The following DYNC2H1 variants were observed in gnomAD, a reference collection of about 807,000 sequenced individuals.
DYNC2H1 encodes the protein cytoplasmic dynein 2 heavy chain 1.
DYNC2H1 carries 410 observed loss-of-function variants against 570.0 expected under a neutral mutation model. The observed-to-expected ratio is 0.72, with a 90% CI of 0.66 to 0.78. The LOEUF is 0.78. Among genes scored for constraint, DYNC2H1 ranks in the 30% least tolerant of loss-of-function variants. The probability of loss-of-function intolerance (pLI) is 0.00; values close to 1 mark genes in which losing one functional copy is unlikely to be tolerated. For synonymous variants in DYNC2H1, 1,688 were observed against 1,677.6 expected, an observed-to-expected ratio of 1.01 and a Z score of -0.15; for missense variants, 4,865 against 5,046.4, an observed-to-expected ratio of 0.96 and a Z score of 1.09.
At chr11:103,171,136 G>A (rs959939256) in intron 34 of DYNC2H1, 68 bp downstream of exon 34, 30 of 1,257,164 alleles carry the variant, frequency 2.4e-5, no homozygotes, top group Non-Finnish European at 2.9e-5. Flanking sequence ...TCATACTTAA[G>A]CAATATTCTC....
chr11:103,233,754 A>G (rs1325957470), intron 60 of DYNC2H1, among the ~76,000 whole-genome samples: 1 of 151,498 alleles, frequency 6.6e-6, no homozygotes, highest in Non-Finnish European at 1.5e-5. Flanking sequence ...TGAATGCCGT[A>G]TTGGCAAATT....
intron 20 of DYNC2H1, among the ~76,000 whole-genome samples, chr11:103,150,873 G>A (rs939272530): frequency 6.6e-6 from 1 of 152,106 alleles, no homozygotes; most frequent in Admixed American, 6.5e-5. Flanking sequence ...TATTATAAGA[G>A]GAAATATGTG....
At chr11:103,300,271 C>T (rs1400987093) in intron 75 of DYNC2H1, among the ~76,000 whole-genome samples, 4 of 151,828 alleles carry the variant, frequency 2.6e-5, no homozygotes, top group South Asian at 4.1e-4. Context: ...TTCAGTTATT[C>T]GTTTGTCTTA....
intron 24 of DYNC2H1, 66 bp downstream of exon 24, chr11:103,154,875 T>G (rs1305520844): frequency 7.3e-5 from 83 of 1,134,054 alleles, no homozygotes; most frequent in Non-Finnish European, 7.2e-6. Flanking sequence ...ATGTAGTGAC[T>G]GAACTATATA....
intron 83 of DYNC2H1, among the ~76,000 whole-genome samples, chr11:103,362,021 A>C (rs1055511989): frequency 6.6e-6 from 1 of 151,588 alleles, no homozygotes; most frequent in African/African-American, 2.4e-5. Context: ...TAGAGATAGG[A>C]GATGAGGAGC....
intron 79 of DYNC2H1, 74 bp downstream of exon 79, chr11:103,312,107 A>T: frequency 6.8e-7 from 1 of 1,477,832 alleles, no homozygotes. Flanking sequence ...GTGGCCAGGC[A>T]TGGTGGCTCA....
chr11:103,125,299 T>C lies in DYNC2H1; in HGVS notation c.1857+4T>C. 1 of 1,584,904 alleles carries C rather than the reference T, an allele frequency of 6.3e-7. No individual in the cohort carries two copies. ...GCAAGCAATTATTCTTAAACAAGTATGAAATTACATTTTTTGAATACCTGC... is the reference window on the plus strand; with the variant it reads ...GCAAGCAATTATTCTTAAACAAGTACGAAATTACATTTTTTGAATACCTGC... On this transcript the variant is annotated splice_donor_region_variant and intron_variant, in intron 12 of 88. Coordinates refer to ENST00000375735, the MANE Select transcript of DYNC2H1 (RefSeq NM_001377.3).
At chr11:103,456,437 T>A in intron 87 of DYNC2H1, 81 bp downstream of exon 87, 1 of 1,127,594 alleles carries the variant, frequency 8.9e-7, no homozygotes, top group Non-Finnish European at 1.3e-6. Context: ...GATCTCAAAG[T>A]GACCTATCTT....
chr11:103,152,098 G>A, intron 20 of DYNC2H1, 38 bp from the exon 21 acceptor site: 2 of 1,463,218 alleles, frequency 1.4e-6, no homozygotes, highest in Non-Finnish European at 1.8e-6. Context: ...GATAAAATAG[G>A]TTGTTATTCA....
At chr11:103,357,532 G>A (rs1325182559) in intron 82 of DYNC2H1, among the ~76,000 whole-genome samples, 1 of 152,046 alleles carries the variant, frequency 6.6e-6, no homozygotes, top group Non-Finnish European at 1.5e-5. Flanking sequence ...ATATTTTTAA[G>A]GAAACTATCT....
chr11:103,153,121 A>G (rs992669754), intron 21 of DYNC2H1, among the ~76,000 whole-genome samples, 182 bp from the exon 22 acceptor site: 1 of 152,178 alleles, frequency 6.6e-6, no homozygotes, highest in Non-Finnish European at 1.5e-5. Context: ...GGTCTAATTT[A>G]TATGTTTGAA....
intron 82 of DYNC2H1, among the ~76,000 whole-genome samples, chr11:103,350,969 T>G (rs1346960903): frequency 6.6e-6 from 1 of 152,196 alleles, no homozygotes; most frequent in Non-Finnish European, 1.5e-5. Context: ...GGACATTTAG[T>G]CCATAAATTA....
At position 103,223,087 on chromosome 11, in the gene DYNC2H1, G is replaced by GT. The variant is rs765090501; in HGVS notation, c.9353+2dup. 5 of 1,601,918 alleles carry GT rather than the reference G, an allele frequency of 3.1e-6. No individual in the cohort carries two copies. The highest frequency in any genetic ancestry group is 2.6e-6 in the Non-Finnish European group (3 of 1,173,692). ...AAACTGAACAGGCAGGATTAGAATC[G>GT]TAAGTGAAATATAAAATATAAACAA... On this transcript the variant is annotated splice_donor_variant, in intron 59 of 88. Coordinates refer to ENST00000375735, the MANE Select transcript of DYNC2H1 (RefSeq NM_001377.3). LOFTEE classifies it high-confidence loss of function.
intron 17 of DYNC2H1, among the ~76,000 whole-genome samples, chr11:103,142,299 G>A (rs569884899): frequency 1.1e-4 from 16 of 152,306 alleles, no homozygotes; most frequent in South Asian, 2.1e-4. Context: ...TGTCTTCTGC[G>A]TCGCCCACGC....
intron 79 of DYNC2H1, among the ~76,000 whole-genome samples, chr11:103,313,295 C>G (rs892149779): frequency 6.6e-6 from 1 of 152,174 alleles, no homozygotes; most frequent in East Asian, 1.9e-4. Context: ...CTCTTTCTCA[C>G]CAAAGGCTCT....
Position 103,181,705 on chromosome 11 carries a change from T to C in DYNC2H1, c.6348-52T>C. The C allele has an allele frequency of 6.8e-7, 1 of 1,471,394 alleles. No homozygotes were observed. The highest frequency in any genetic ancestry group is 9.1e-7 in the Non-Finnish European group (1 of 1,096,214). 91.1% of individuals were successfully genotyped at this position (1,471,394 alleles called of 1,614,324 possible). On this transcript the variant is annotated intron_variant, in intron 39 of 88. Coordinates refer to ENST00000375735, the MANE Select transcript of DYNC2H1 (RefSeq NM_001377.3). The surrounding 1 kb of genome is among the most constrained non-coding windows in gnomAD (Gnocchi z 5.0). ...ATTGGAGAAGAAATTTATTTTAATG[T>C]AAATTGATAATTTCTTCCTAAGTAA...
chr11:103,280,996 A>T lies in DYNC2H1; in HGVS notation c.10761+583A>T, dbSNP rs191563741. Among the ~76,000 whole-genome samples, 586 of 146,502 alleles carry T rather than the reference A, an allele frequency of 4.0e-3. 3 individuals are homozygous for T. The highest frequency in any genetic ancestry group is 0.013 in the African/African-American group (478 of 36,950). ...CCATTTCTTGTCTGCTTACAATTTT[A>T]AAAAAAAAGCTATTTGCAAGTAATT... On this transcript the variant is annotated intron_variant, in intron 71 of 88. Coordinates refer to ENST00000375735, the MANE Select transcript of DYNC2H1 (RefSeq NM_001377.3). The surrounding 1 kb of genome is among the most constrained non-coding windows in gnomAD (Gnocchi z 4.7).
chr11:103,456,350 A>C lies in DYNC2H1; in HGVS notation c.12642A>C (p.Gln4214His). 6.3e-7 allele frequency: 1 copy of C among 1,595,846 alleles called. No individual in the cohort carries two copies. The highest frequency in any genetic ancestry group is 1.7e-4 in the Middle Eastern group (1 of 6,040). Residue 4214 changes from glutamine to histidine, a missense_variant, in exon 87 of 89, where the codon CAA becomes CAC. Around this residue, in one of 5 missense-constraint regions of DYNC2H1, gnomAD observed 2,401 missense variants for 2,454.6 expected, o/e 0.98. Coordinates refer to ENST00000375735, the MANE Select transcript of DYNC2H1 (RefSeq NM_001377.3). ...GTCGACTGCAAGAAGCAAAGCTACA[A>C]ATTAAGGTACTAGACTAATTTTAGA... The part of the protein sequence containing the change: ...WKGRLQEAKL[Q>H]IKISGLLLEG...
chr11:103,375,622 G>A (rs1941361692), intron 83 of DYNC2H1, among the ~76,000 whole-genome samples: 1 of 152,336 alleles, frequency 6.6e-6, no homozygotes, highest in South Asian at 2.1e-4. Context: ...GATTGTTTTG[G>A]AACTTTAATG....
Sources: gnomAD v4.1 joint callset for allele counts (sites outside exome capture counted in the v4.1 genomes callset) on GRCh38, gnomAD v4.1.1 for gene constraint, gnomAD v4.1.1 regional missense constraint, Gnocchi (gnomAD v3.1) non-coding constraint, MANE v1.5 for transcripts, NCBI Gene and HGNC (gene_info 2026-07-23, HGNC 2026-07-21) for gene names.